Variants in NCAM1 observed in about 807,000 individuals in gnomAD.
NCAM1 encodes the protein neural cell adhesion molecule 1.
A neutral mutation model predicts 109.8 loss-of-function variants in NCAM1; 14 were observed. The ratio of observed to expected loss-of-function variants is 0.13; its 90% CI spans 0.08 to 0.20. NCAM1 has a LOEUF of 0.20. Among genes scored for constraint, NCAM1 ranks in the 10% least tolerant of loss-of-function variants. The pLI, the probability that NCAM1 is intolerant of heterozygous loss-of-function variation, is 1.00. For missense variants in NCAM1, 774 were observed against 1,109.9 expected (o/e 0.70, Z 4.30); for synonymous variants, 418 against 442.9 (o/e 0.94, Z 0.70).
At chr11:112,965,345 T>C (rs1430266401) in intron 1 of NCAM1, among the ~76,000 whole-genome samples, 4 of 152,066 alleles carry the variant, frequency 2.6e-5, no homozygotes, top group Non-Finnish European at 5.9e-5. Context: ...GAAGGAGAAA[T>C]TAGTCTGTAG....
chr11:113,269,276 C>G (rs1555124798), intron 17 of NCAM1, among the ~76,000 whole-genome samples: 2 of 152,150 alleles, frequency 1.3e-5, no homozygotes. Flanking sequence ...GGGGGGATTG[C>G]AGATGGGCAC....
rs1555073910 is a variant in NCAM1, at chr11:113,009,312, G to GTTTTTTTGTTGTTTTT, written c.52+47655_52+47656insGTTGTTTTTTTTTTTT. Among the ~76,000 whole-genome samples, 237 of 79,666 alleles carry GTTTTTTTGTTGTTTTT rather than the reference G, an allele frequency of 3.0e-3. 16 individuals carry two copies. Among genetic ancestry groups the GTTTTTTTGTTGTTTTT allele is most frequent in the East Asian group, 0.016 (30 of 1,920 alleles). The allele number at this position is 79,666 out of a possible 152,430, so 52.3% of individuals were successfully genotyped here. ...GATTTAATTGGAAGGGTTTTTTCGG[G>GTTTTTTTGTTGTTTTT]TTTTTTTTTTTTTTTTTTTTTTTTT... On this transcript the variant is annotated intron_variant, in intron 1 of 19. Coordinates refer to ENST00000316851, the MANE Select transcript of NCAM1 (RefSeq NM_181351.5).
rs1950613734 is a variant in NCAM1 at position 112,963,021 on chromosome 11, T to A, written c.52+1357T>A. ...GCCAGGGAGCACCCAGTGCGCCCCC[T>A]CCGCGGGCGGCACAAGAGCAGCGCT... On this transcript the variant is annotated intron_variant, in intron 1 of 19. Transcript: ENST00000316851. This position sits in a 1 kb window ranked among gnomAD's most constrained non-coding sequence, Gnocchi z 4.6. 6.6e-6 allele frequency among the ~76,000 whole-genome samples: 1 copy of A among 151,960 alleles called. No individual in the cohort carries two copies. Among genetic ancestry groups the A allele is most frequent in the East Asian group, 2.0e-4 (1 of 5,102 alleles).
At chr11:113,205,826 A>T (rs1459321775) in intron 4 of NCAM1, among the ~76,000 whole-genome samples, 160 bp downstream of exon 4, 1 of 152,186 alleles carries the variant, frequency 6.6e-6, no homozygotes, top group African/African-American at 2.4e-5. Context: ...TGAAGTTGGT[A>T]TACTTAGGTA....
intron 1 of NCAM1, among the ~76,000 whole-genome samples, chr11:113,179,691 G>T (rs1555107660): frequency 6.6e-6 from 1 of 152,212 alleles, no homozygotes; most frequent in African/African-American, 2.4e-5. Context: ...GCAGGATAAA[G>T]TATAGACAAT....
chr11:113,197,476 A>G (rs1943891094), intron 1 of NCAM1, among the ~76,000 whole-genome samples: 1 of 152,224 alleles, frequency 6.6e-6, no homozygotes, highest in Admixed American at 6.5e-5. Context: ...TCAAAAGTCC[A>G]TGGTCATTAT....
intron 1 of NCAM1, among the ~76,000 whole-genome samples, chr11:113,038,662 A>T (rs537602969): frequency 2.6e-5 from 4 of 152,208 alleles, no homozygotes; most frequent in Non-Finnish European, 5.9e-5. Context: ...GCTTGGGCCC[A>T]CATTTTGGGA....
rs114355652 is a variant in NCAM1 at position 113,148,513 on chromosome 11, G to A, written c.53-53866G>A. On this transcript the variant is annotated intron_variant, in intron 1 of 19. Transcript: ENST00000316851. Reference sequence around the variant, plus strand: ...TTCTCTTAGTGAGGCAGAATGAAGCGCAGAACACCAAACAAGATTCTGCTT... The same window carrying A: ...TTCTCTTAGTGAGGCAGAATGAAGCACAGAACACCAAACAAGATTCTGCTT... Among the ~76,000 whole-genome samples, 393 of 152,068 alleles carry A rather than the reference G, an allele frequency of 2.6e-3. 1 individual carries two copies. Among genetic ancestry groups the A allele is most frequent in the African/African-American group, 9.0e-3 (375 of 41,488 alleles).
chr11:113,215,852 A>G (rs1354192773), intron 8 of NCAM1, among the ~76,000 whole-genome samples: 3 of 152,188 alleles, frequency 2.0e-5, no homozygotes, highest in African/African-American at 7.2e-5. Flanking sequence ...AGCCCCACTC[A>G]TGTGTGTTAT....
chr11:113,231,091 A>G, intron 9 of NCAM1: 3 of 1,137,164 alleles, frequency 2.6e-6, no homozygotes, highest in South Asian at 3.0e-5. Flanking sequence ...GCTTGTTTTT[A>G]CATGTGATTA....
chr11:113,136,856 A>G (rs1310374085), intron 1 of NCAM1, among the ~76,000 whole-genome samples: 3 of 152,176 alleles, frequency 2.0e-5, no homozygotes, highest in South Asian at 2.1e-4. Context: ...GTCCCAGTGC[A>G]AGAGGAGGAG....
intron 8 of NCAM1, among the ~76,000 whole-genome samples, chr11:113,220,026 G>A (rs180791474): frequency 7.2e-5 from 11 of 152,256 alleles, no homozygotes; most frequent in African/African-American, 2.2e-4. Context: ...CCTGGGTTGC[G>A]TTGCTATGAT....
chr11:112,964,142 T>TG (rs1950657354), intron 1 of NCAM1, among the ~76,000 whole-genome samples: 1 of 71,584 alleles, frequency 1.4e-5, no homozygotes, highest in Non-Finnish European at 3.2e-5. Flanking sequence ...TTTTTTTTGT[T>TG]TTTTTTTTTT....
At chr11:113,272,569 C>G (rs563032890) in intron 19 of NCAM1, among the ~76,000 whole-genome samples, 1 of 152,206 alleles carries the variant, frequency 6.6e-6, no homozygotes, top group East Asian at 1.9e-4. Flanking sequence ...GGATGCTGAA[C>G]AGAAGCCTGC....
At chr11:113,151,519 C>A (rs1555102452) in intron 1 of NCAM1, among the ~76,000 whole-genome samples, 1 of 152,194 alleles carries the variant, frequency 6.6e-6, no homozygotes, top group Non-Finnish European at 1.5e-5. Flanking sequence ...GAATTTTTCA[C>A]TTTTAAGGCA....
At chr11:113,099,936 C>T (rs1215438818) in intron 1 of NCAM1, among the ~76,000 whole-genome samples, 1 of 152,204 alleles carries the variant, frequency 6.6e-6, no homozygotes, top group Non-Finnish European at 1.5e-5. Flanking sequence ...ATCTGCCCGC[C>T]TCGGCCTCCC....
At chr11:113,133,482 A>T (rs1359270472) in intron 1 of NCAM1, 1 of 152,232 alleles carries the variant, frequency 6.6e-6, no homozygotes, top group Non-Finnish European at 1.5e-5. Context: ...ACATGCTGAA[A>T]CAGCACCAAC....
At chr11:113,272,047 A>G (rs975309350) in intron 19 of NCAM1, among the ~76,000 whole-genome samples, 171 bp downstream of exon 19, 11 of 151,502 alleles carry the variant, frequency 7.3e-5, no homozygotes, top group African/African-American at 2.7e-4. Context: ...GCCTGACCTC[A>G]GGCATTTCTG....
chr11:113,022,580 G>A (rs1555076427), intron 1 of NCAM1, among the ~76,000 whole-genome samples: 1 of 152,196 alleles, frequency 6.6e-6, no homozygotes, highest in Admixed American at 6.5e-5. Context: ...AGATGGCCAA[G>A]GAAGCAGAAG....
Sources: gnomAD v4.1 joint callset for allele counts (sites outside exome capture counted in the v4.1 genomes callset) on GRCh38, gnomAD v4.1.1 for gene constraint, Gnocchi (gnomAD v3.1) non-coding constraint, MANE v1.5 for transcripts, NCBI Gene and HGNC (gene_info 2026-07-23, HGNC 2026-07-21) for gene names.